The following PHF24 variants were observed in gnomAD, a reference collection of about 807,000 sequenced individuals.
PHF24 encodes Galpha inhibitory interacting protein.
In PHF24, 25 loss-of-function variants were observed where a neutral mutation model predicts 42.6. The observed-to-expected ratio is 0.59, with a 90% CI of 0.43 to 0.82. The LOEUF (loss-of-function observed/expected upper bound fraction) is 0.82. Among genes scored for constraint, PHF24 ranks in the 40% least tolerant of loss-of-function variants. The probability of loss-of-function intolerance (pLI) is 0.00; values close to 1 mark genes in which losing one functional copy is unlikely to be tolerated. For synonymous variants in PHF24, 185 were observed against 204.8 expected (o/e 0.90, Z 0.83); for missense variants, 470 against 538.1 (o/e 0.87, Z 1.25).
chr9:34,940,064 A>G, the PHF24 span, among the ~76,000 whole-genome samples: 23 of 152,130 alleles, frequency 1.5e-4, no homozygotes, highest in Middle Eastern at 3.2e-3. Flanking sequence ...AAACACAGAT[A>G]AGACAGCTCA....
chr9:34,774,447 G>A, the PHF24 span, among the ~76,000 whole-genome samples: 1 of 152,124 alleles, frequency 6.6e-6, no homozygotes, highest in Non-Finnish European at 1.5e-5. Context: ...AAAAAGACTT[G>A]AGAAGGCATT....
the PHF24 span, among the ~76,000 whole-genome samples, chr9:34,853,820 T>G: frequency 8.1e-6 from 1 of 123,832 alleles, no homozygotes; most frequent in African/African-American, 3.2e-5. Flanking sequence ...AGAGCGAGAC[T>G]CCGTCTCAAA....
chr9:34,800,731 G>C, the PHF24 span, among the ~76,000 whole-genome samples: 6 of 152,092 alleles, frequency 3.9e-5, no homozygotes, highest in Admixed American at 6.6e-5. Context: ...GAAAACCTAG[G>C]CAATACCATT....
the PHF24 span, among the ~76,000 whole-genome samples, chr9:34,715,787 C>G: frequency 6.6e-6 from 1 of 152,200 alleles, no homozygotes; most frequent in African/African-American, 2.4e-5. Flanking sequence ...CCTACCTCAG[C>G]AGGCCCACTA....
intron 1 of PHF24, among the ~76,000 whole-genome samples, chr9:34,961,195 A>G (rs1202625736): frequency 6.6e-6 from 1 of 152,166 alleles, no homozygotes; most frequent in Non-Finnish European, 1.5e-5. Flanking sequence ...ATTATCTTTT[A>G]GTCCCACACG....
the PHF24 span, among the ~76,000 whole-genome samples, chr9:34,896,808 A>C: frequency 6.6e-6 from 1 of 152,148 alleles, no homozygotes; most frequent in African/African-American, 2.4e-5. Flanking sequence ...AGGATTTCTG[A>C]GTTTCCTTGA....
chr9:34,900,873 A>C, the PHF24 span, among the ~76,000 whole-genome samples: 1 of 152,290 alleles, frequency 6.6e-6, no homozygotes, highest in Non-Finnish European at 1.5e-5. Flanking sequence ...GGAAGCCCTC[A>C]TCAAATGCTG....
At chr9:34,800,823 C>A in the PHF24 span, among the ~76,000 whole-genome samples, 3 of 152,170 alleles carry the variant, frequency 2.0e-5, no homozygotes, top group Non-Finnish European at 4.4e-5. Context: ...CAAATGGGAT[C>A]TAATTACACG....
the PHF24 span, among the ~76,000 whole-genome samples, chr9:34,912,809 C>G: frequency 2.6e-5 from 4 of 152,066 alleles, no homozygotes; most frequent in Admixed American, 2.0e-4. Context: ...AAGATTCAAC[C>G]TATTAAGAAT....
the PHF24 span, among the ~76,000 whole-genome samples, chr9:34,760,586 C>G: frequency 6.6e-6 from 1 of 152,182 alleles, no homozygotes; most frequent in Non-Finnish European, 1.5e-5. Flanking sequence ...CTCACACAGC[C>G]GGTTACCGCC....
At chr9:34,741,901 G>A in the PHF24 span, among the ~76,000 whole-genome samples, 2 of 152,080 alleles carry the variant, frequency 1.3e-5, no homozygotes. Context: ...TTTTAAATGG[G>A]GGGGTGGGGA....
the PHF24 span, among the ~76,000 whole-genome samples, chr9:34,691,792 C>G: frequency 6.6e-6 from 1 of 152,178 alleles, no homozygotes; most frequent in Non-Finnish European, 1.5e-5. Flanking sequence ...GCAAGCAGAG[C>G]TGAAAGGCCA....
chr9:34,833,004 T>C, the PHF24 span: 2,902 of 1,551,602 alleles, frequency 1.9e-3, 6 homozygotes, highest in South Asian at 4.4e-3. Flanking sequence ...AAGCTACGGC[T>C]CCATCGCCAG....
the PHF24 span, among the ~76,000 whole-genome samples, chr9:34,905,010 G>A: frequency 6.6e-6 from 1 of 151,940 alleles, no homozygotes; most frequent in Non-Finnish European, 1.5e-5. Flanking sequence ...CAGCAGGTGG[G>A]AGTAGGCCAG....
At chr9:34,801,146 A>G in the PHF24 span, among the ~76,000 whole-genome samples, 3 of 152,232 alleles carry the variant, frequency 2.0e-5, no homozygotes, top group African/African-American at 7.2e-5. Context: ...GCCGATCATT[A>G]AAAAGTCAGG....
At chr9:34,974,101 C>T (rs1292332792) in intron 3 of PHF24, among the ~76,000 whole-genome samples, 1 of 152,144 alleles carries the variant, frequency 6.6e-6, no homozygotes, top group African/African-American at 2.4e-5. Context: ...ACTCCTAGAC[C>T]TAAGCAATCC....
the PHF24 span, among the ~76,000 whole-genome samples, chr9:34,713,449 T>C: frequency 1.3e-5 from 2 of 152,150 alleles, no homozygotes; most frequent in African/African-American, 4.8e-5. Flanking sequence ...AGCTAGTGCA[T>C]GCATTATGCT....
the PHF24 span, among the ~76,000 whole-genome samples, chr9:34,768,714 C>G: frequency 2.0e-5 from 3 of 152,160 alleles, no homozygotes. Flanking sequence ...GCTTATCTTG[C>G]TCTTCATTGC....
At chr9:34,729,889 C>A in the PHF24 span, among the ~76,000 whole-genome samples, 3 of 152,208 alleles carry the variant, frequency 2.0e-5, no homozygotes, top group South Asian at 6.3e-4. Flanking sequence ...TTAGGGAGGG[C>A]GGAGTCTGGT....
Sources: gnomAD v4.1 joint callset for allele counts (sites outside exome capture counted in the v4.1 genomes callset) on GRCh38, gnomAD v4.1.1 for gene constraint, MANE v1.5 for transcripts, NCBI Gene and HGNC (gene_info 2026-07-23, HGNC 2026-07-21) for gene names.